The following HEATR5A variants were observed in gnomAD, a reference collection of about 807,000 sequenced individuals.
HEATR5A encodes HEAT repeat containing 5A.
Under a neutral mutation model 218.8 loss-of-function variants are expected in HEATR5A, and 178 were observed. That is an observed-to-expected ratio of 0.81 (90% CI 0.72 to 0.92). HEATR5A has a LOEUF of 0.92. HEATR5A is among the 40% of genes least tolerant of loss of function. The probability of loss-of-function intolerance (pLI) is 0.00; values close to 1 mark genes in which losing one functional copy is unlikely to be tolerated. For missense variants in HEATR5A, 2,420 were observed against 2,418.9 expected, an observed-to-expected ratio of 1.00 and a Z score of -0.01; for synonymous variants, 864 against 871.6, an observed-to-expected ratio of 0.99 and a Z score of 0.15.
intron 9 of HEATR5A, among the ~76,000 whole-genome samples, chr14:31,384,411 T>A (rs1374071663): frequency 6.7e-6 from 1 of 148,886 alleles, no homozygotes; most frequent in Non-Finnish European, 1.5e-5. Context: ...GCCACTGTAC[T>A]CCAACGTGGG....
chr14:31,336,255 T>C (rs1401596112), intron 22 of HEATR5A, among the ~76,000 whole-genome samples: 1 of 106,668 alleles, frequency 9.4e-6, no homozygotes, highest in African/African-American at 3.8e-5. Flanking sequence ...TATATATATA[T>C]ATATATATAA....
intron 22 of HEATR5A, among the ~76,000 whole-genome samples, chr14:31,328,284 AT>A (rs2139177312): frequency 6.6e-6 from 1 of 152,258 alleles, no homozygotes; most frequent in Admixed American, 6.5e-5. Context: ...GTACTAGACT[AT>A]TTTAAAAGAG....
At chr14:31,294,995 GAT>G (rs1899132605) in intron 34 of HEATR5A, among the ~76,000 whole-genome samples, 1 of 152,066 alleles carries the variant, frequency 6.6e-6, no homozygotes, top group East Asian at 1.9e-4. Flanking sequence ...ATACATCAAA[GAT>G]ATAAATAAAC....
At chr14:31,385,227 G>C (rs907837912) in intron 9 of HEATR5A, among the ~76,000 whole-genome samples, 4 of 152,178 alleles carry the variant, frequency 2.6e-5, no homozygotes, top group Non-Finnish European at 5.9e-5. Context: ...CTAGGCATAA[G>C]TGATGCTCCT....
At chr14:31,355,362 G>A (rs924356426) in intron 16 of HEATR5A, among the ~76,000 whole-genome samples, 107 of 151,594 alleles carry the variant, frequency 7.1e-4, no homozygotes, top group African/African-American at 2.3e-3. Context: ...GCAGTGAGCC[G>A]AGATGGTGCC....
chr14:31,386,635 G>A, intron 8 of HEATR5A, 60 bp from the exon 9 acceptor site: 1 of 1,452,364 alleles, frequency 6.9e-7, no homozygotes. Context: ...ATTGAAAAGG[G>A]TGTGAAGAGT....
rs191906201 is a variant in HEATR5A at position 31,291,965 on chromosome 14, C to T, written c.*1340G>A. 6.6e-6 allele frequency: 1 copy of T among 152,300 alleles called. No homozygotes were observed. 9.4% of individuals were successfully genotyped at this position (152,300 alleles called of 1,614,324 possible). A position where few individuals can be genotyped will look rare whatever the true frequency, so the allele number is the denominator to read the frequency against. On this transcript the variant is annotated 3_prime_UTR_variant, in exon 36 of 36. Transcript: ENST00000543095. ...CTTCTCAATTCTGACATGCTTCTAT[C>T]ACTTCGGTTTGTAATTTTTAAGAGG...
chr14:31,331,823 T>C (rs796190284), intron 22 of HEATR5A, among the ~76,000 whole-genome samples: 10 of 152,278 alleles, frequency 6.6e-5, no homozygotes, highest in Non-Finnish European at 8.8e-5. Flanking sequence ...GAGCCCCTTA[T>C]GAAACCATCA....
chr14:31,386,603 C>T lies in HEATR5A; in HGVS notation c.1190-28G>A, dbSNP rs144459980. The T allele has an allele frequency of 1.4e-4, 223 of 1,541,056 alleles. 3 individuals carry two copies. The East Asian group carries it at 5.0e-3, about 35-fold the overall frequency. ...GATAGAAATGCAAGAATTAACTATGCATAACCACTGTATTAAAATATATTG... is the reference window on the plus strand; with the variant it reads ...GATAGAAATGCAAGAATTAACTATGTATAACCACTGTATTAAAATATATTG... On this transcript the variant is annotated intron_variant, in intron 8 of 35. Transcript: ENST00000543095.
chr14:31,417,838 T>G (rs1171038240), intron 1 of HEATR5A, among the ~76,000 whole-genome samples: 1 of 151,986 alleles, frequency 6.6e-6, no homozygotes, highest in Non-Finnish European at 1.5e-5. Context: ...TCCTCTATCA[T>G]TACACACTGC....
intron 33 of HEATR5A, among the ~76,000 whole-genome samples, chr14:31,299,395 C>T (rs142883617): frequency 1.1e-3 from 169 of 152,266 alleles, no homozygotes; most frequent in Non-Finnish European, 2.0e-3. Context: ...CCTTTAGAAA[C>T]GCAAATCCAA....
At chr14:31,401,195 T>C (rs917686681) in intron 2 of HEATR5A, among the ~76,000 whole-genome samples, 1 of 152,118 alleles carries the variant, frequency 6.6e-6, no homozygotes, top group South Asian at 2.1e-4. Context: ...CCAAATCTCA[T>C]GCTGAATGGT....
At chr14:31,388,728 T>C in intron 7 of HEATR5A, 117 bp downstream of exon 7, 3 of 717,184 alleles carry the variant, frequency 4.2e-6, no homozygotes, top group Admixed American at 2.7e-5. Flanking sequence ...TATCTATTTA[T>C]AGATATGAGA....
In HEATR5A at chr14:31,389,041, C is replaced by T. The variant is rs2030344908; in HGVS notation, c.773-36G>A. The T allele has an allele frequency of 2.6e-6, 4 of 1,521,142 alleles. 1 individual carries two copies. The highest frequency in any genetic ancestry group is 2.4e-5 in the South Asian group (2 of 84,198). 94.2% of individuals were successfully genotyped at this position (1,521,142 alleles called of 1,614,324 possible). On this transcript the variant is annotated intron_variant, in intron 6 of 35. Coordinates refer to ENST00000543095, the MANE Select transcript of HEATR5A (RefSeq NM_015473.4). ...GAACAAAACTGTGATTCATATTTTA[C>T]AGACTAAATTTTAATGTAAGTTCTT...
chr14:31,374,715 C>G (rs1330152748), intron 12 of HEATR5A, 101 bp downstream of exon 12: 4 of 1,068,142 alleles, frequency 3.7e-6, no homozygotes, highest in East Asian at 2.7e-5. Flanking sequence ...AGTGGCATAT[C>G]CCCCTGCCTC....
At chr14:31,370,462 T>C (rs909532919) in intron 13 of HEATR5A, among the ~76,000 whole-genome samples, 6 of 152,184 alleles carry the variant, frequency 3.9e-5, no homozygotes, top group Non-Finnish European at 7.3e-5. Context: ...TGAGTAAGTG[T>C]TGGTGAAAAA....
chr14:31,350,531 C>A, intron 17 of HEATR5A, 81 bp downstream of exon 17: 3 of 737,286 alleles, frequency 4.1e-6, no homozygotes, highest in East Asian at 2.7e-5. Flanking sequence ...ATTTTAAAAA[C>A]ATCATCCTCC....
chr14:31,313,374 A>G (rs1170809799), intron 27 of HEATR5A, among the ~76,000 whole-genome samples, 184 bp from the exon 28 acceptor site: 2 of 152,166 alleles, frequency 1.3e-5, no homozygotes, highest in African/African-American at 4.8e-5. Context: ...AGAGTCAAAA[A>G]TACTATCTTC....
chr14:31,366,687 T>C (rs910951318), intron 13 of HEATR5A, among the ~76,000 whole-genome samples: 2 of 152,146 alleles, frequency 1.3e-5, no homozygotes, highest in African/African-American at 2.4e-5. Context: ...ATTGTTAGAC[T>C]TACAGAAAGA....
Sources: gnomAD v4.1 joint callset for allele counts (sites outside exome capture counted in the v4.1 genomes callset) on GRCh38, gnomAD v4.1.1 for gene constraint, MANE v1.5 for transcripts, NCBI Gene and HGNC (gene_info 2026-07-23, HGNC 2026-07-21) for gene names.